The following ZSCAN1 variants were observed in gnomAD, a reference collection of about 807,000 sequenced individuals.
The protein encoded by ZSCAN1 is zinc finger and SCAN domain-containing protein 1.
ZSCAN1 carries 23 observed loss-of-function variants against 23.8 expected under a neutral mutation model. The ratio of observed to expected loss-of-function variants is 0.97; its 90% CI spans 0.70 to 1.37. The LOEUF is 1.37. Ranked by LOEUF, ZSCAN1 falls within the 40% of genes most tolerant of loss-of-function variation. The pLI, the probability that ZSCAN1 is intolerant of heterozygous loss-of-function variation, is 0.00. For synonymous variants in ZSCAN1, 236 were observed against 232.3 expected, an observed-to-expected ratio of 1.02 and a Z score of -0.15; for missense variants, 575 against 554.0, an observed-to-expected ratio of 1.04 and a Z score of -0.38.
chr19:58,040,983 G>T lies in ZSCAN1; in HGVS notation c.465+439G>T, dbSNP rs898574728. On this transcript the variant is annotated intron_variant, in intron 4 of 5. Transcript: ENST00000282326. The surrounding 1 kb of genome is among the most constrained non-coding windows in gnomAD (Gnocchi z 5.8). Reference sequence around the variant, plus strand: ...GCTGTTGCGCAGGCCTCAAGGCGACGGGAGGGGCCCGGCTCGGTTGGGAGC... The same window carrying T: ...GCTGTTGCGCAGGCCTCAAGGCGACTGGAGGGGCCCGGCTCGGTTGGGAGC... Among the ~76,000 whole-genome samples the T allele has an allele frequency of 5.3e-5, 8 of 152,344 alleles. No homozygotes were observed. The highest frequency in any genetic ancestry group is 1.0e-4 in the Non-Finnish European group (7 of 68,044).
rs540289774 is a variant in ZSCAN1 at position 58,040,543 on chromosome 19, A to T, written c.464A>T (p.Gln155Leu). 2.5e-6 allele frequency: 4 copies of T among 1,613,132 alleles called. No individual in the cohort carries two copies. The highest frequency in any genetic ancestry group is 2.7e-5 in the African/African-American group (2 of 74,922). ...CCAAGGTCCCAGAAAGAACCATCGC[A>T]GGTGAGCCCGGGGCCCCCAGCTCCG... ...KSPRSQKEPSQASELILDAVA... is the reference protein window; with the variant it reads ...KSPRSQKEPSLASELILDAVA... The change falls in exon 4 of 6, where the codon CAG becomes CTG. Residue 155 changes from glutamine (Q) to leucine (L), a missense_variant and splice_region_variant. Coordinates refer to ENST00000282326, the MANE Select transcript of ZSCAN1 (RefSeq NM_182572.4). The surrounding 1 kb of genome is among the most constrained non-coding windows in gnomAD (Gnocchi z 5.8).
At chr19:58,043,477 G>A (rs1208479827) in intron 4 of ZSCAN1, among the ~76,000 whole-genome samples, 1 of 152,202 alleles carries the variant, frequency 6.6e-6, no homozygotes, top group Admixed American at 6.5e-5. Flanking sequence ...TTGCCAGGAA[G>A]GGAGCTTGTG....
At chr19:58,036,991 G>T (rs1054269557) in intron 2 of ZSCAN1, among the ~76,000 whole-genome samples, 22 of 152,102 alleles carry the variant, frequency 1.4e-4, no homozygotes, top group African/African-American at 4.8e-4. Flanking sequence ...GCCACAAAAG[G>T]TTATTTTAAA....
intron 4 of ZSCAN1, among the ~76,000 whole-genome samples, chr19:58,044,129 G>A (rs1430584694): frequency 6.6e-6 from 1 of 151,938 alleles, no homozygotes; most frequent in Non-Finnish European, 1.5e-5. Flanking sequence ...AAAAATAGCT[G>A]GGCGTGGTGG....
intron 4 of ZSCAN1, among the ~76,000 whole-genome samples, chr19:58,043,814 A>G (rs537273858): frequency 6.6e-6 from 1 of 152,038 alleles, no homozygotes; most frequent in Admixed American, 6.5e-5. Context: ...CGCACCGGCT[A>G]ATTTTTATAT....
chr19:58,044,857 A>G, intron 4 of ZSCAN1: 2 of 769,006 alleles, frequency 2.6e-6, no homozygotes, highest in Admixed American at 3.9e-5. Context: ...ATGGACCTCC[A>G]CCTCTGTGGG....
chr19:58,038,575 A>T, intron 3 of ZSCAN1: 1 of 516,564 alleles, frequency 1.9e-6, no homozygotes, highest in Non-Finnish European at 3.4e-6. Context: ...GAGATCCTTA[A>T]GCCTTCACAG....
intron 2 of ZSCAN1, 54 bp from the exon 3 acceptor site, chr19:58,037,674 A>C (rs1369567894): frequency 7.9e-6 from 7 of 886,652 alleles, no homozygotes; most frequent in Non-Finnish European, 1.1e-5. Context: ...GGGCATCCTG[A>C]GTACAGAGGG....
At chr19:58,056,237 T>C (rs565217397), downstream of ZSCAN1, among the ~76,000 whole-genome samples, 1 of 152,300 alleles carries the variant, frequency 6.6e-6, no homozygotes, top group South Asian at 2.1e-4. Flanking sequence ...GCAGGGTAGC[T>C]CTATAGTGTC....
At chr19:58,046,180 A>C (rs2073824296) in intron 4 of ZSCAN1, 14 of 745,858 alleles carry the variant, frequency 1.9e-5, no homozygotes, top group Non-Finnish European at 2.5e-6. Context: ...GGAGGAAGAG[A>C]TGACTAAGGA....
At chr19:58,037,579 G>T in intron 2 of ZSCAN1, 149 bp from the exon 3 acceptor site, 1 of 397,040 alleles carries the variant, frequency 2.5e-6, no homozygotes, top group Non-Finnish European at 4.4e-6. Context: ...TGAGAGGCAT[G>T]TGGAAGATTA....
chr19:58,034,956 C>A (rs1440520421), intron 1 of ZSCAN1, among the ~76,000 whole-genome samples: 2 of 151,836 alleles, frequency 1.3e-5, no homozygotes, highest in Admixed American at 6.6e-5. Context: ...AACACGTCTT[C>A]TATGTCACTA....
chr19:58,051,293 C>CTA (rs3217289), intron 4 of ZSCAN1, among the ~76,000 whole-genome samples: 48,133 of 151,910 alleles, frequency 0.32, 7,799 homozygotes, highest in Non-Finnish European at 0.33. Context: ...GCCTTTACTC[C>CTA]TATAGATGGT....
intron 2 of ZSCAN1, among the ~76,000 whole-genome samples, chr19:58,037,213 T>C (rs2073743884): frequency 6.6e-6 from 1 of 152,128 alleles, no homozygotes; most frequent in South Asian, 2.1e-4. Context: ...TAAAATTCAG[T>C]TCCTATTTCA....
chr19:58,053,397 T>G lies in ZSCAN1; in HGVS notation c.605-32T>G, dbSNP rs371667930. ...GGAGATGCCAAGGCCATCCACTCAC[T>G]ACAGGTGACCCATCTCCCTCGCCCT... On this transcript the variant is annotated intron_variant, in intron 5 of 5. Transcript: ENST00000282326. The surrounding 1 kb of genome is among the most constrained non-coding windows in gnomAD (Gnocchi z 5.8). The G allele has an allele frequency of 5.0e-6, 8 of 1,584,680 alleles. No homozygotes were observed. In the African/African-American group the frequency reaches 1.1e-4, roughly 21 times the overall value.
chr19:58,038,560 T>C (rs1028159014), intron 3 of ZSCAN1: 14 of 534,780 alleles, frequency 2.6e-5, no homozygotes, highest in Non-Finnish European at 4.6e-5. Flanking sequence ...CACTCAGGAA[T>C]CCTAGAGATC....
chr19:58,042,091 G>A (rs2073793090), intron 4 of ZSCAN1, among the ~76,000 whole-genome samples: 1 of 152,128 alleles, frequency 6.6e-6, no homozygotes, highest in African/African-American at 2.4e-5. Context: ...CAAATATTTA[G>A]GCTAAATTGT....
intron 1 of ZSCAN1, among the ~76,000 whole-genome samples, chr19:58,034,661 C>A (rs2073721168): frequency 7.0e-6 from 1 of 143,470 alleles, no homozygotes; most frequent in Non-Finnish European, 1.5e-5. Flanking sequence ...AGCCCCCGAC[C>A]CGTCTCTCTC....
chr19:58,037,745 C>G lies in ZSCAN1; in HGVS notation c.-92C>G. On this transcript the variant is annotated 5_prime_UTR_variant, in exon 3 of 6. Transcript: ENST00000282326. ...CTCTGCAGGCCCCTGATTGCTGATT[C>G]TGTCCGCCTGCCACACCGGCTCTGT... 7.1e-7 allele frequency: 1 copy of G among 1,413,010 alleles called. No individual in the cohort carries two copies. The highest frequency in any genetic ancestry group is 9.2e-7 in the Non-Finnish European group (1 of 1,081,530). 87.5% of individuals were successfully genotyped at this position (1,413,010 alleles called of 1,614,324 possible).
Sources: allele counts gnomAD v4.1 joint callset (sites outside exome capture counted in the v4.1 genomes callset), GRCh38; gene constraint gnomAD v4.1.1; non-coding constraint Gnocchi (gnomAD v3.1); transcripts MANE v1.5; gene names NCBI Gene and HGNC (gene_info 2026-07-23, HGNC 2026-07-21).